The following TENT4A variants were observed in gnomAD, a reference collection of about 807,000 sequenced individuals.
TENT4A encodes terminal nucleotidyltransferase 4A.
TENT4A carries 7 observed loss-of-function variants against 72.8 expected under a neutral mutation model. The ratio of observed to expected loss-of-function variants is 0.10; its 90% CI spans 0.05 to 0.18. The LOEUF is 0.18. TENT4A is among the 10% of genes least tolerant of loss of function. TENT4A has a pLI of 1.00. For synonymous variants in TENT4A, 456 were observed against 434.3 expected (o/e 1.05, Z -0.62); for missense variants, 831 against 1,017.7 (o/e 0.82, Z 2.50).
intron 1 of TENT4A, among the ~76,000 whole-genome samples, chr5:6,723,450 T>C (rs1740759323): frequency 1.4e-5 from 2 of 139,248 alleles, no homozygotes; most frequent in South Asian, 4.7e-4. Flanking sequence ...GCTCCTTTAG[T>C]TCCCAGAGCT....
chr5:6,715,894 C>T (rs893463202), intron 1 of TENT4A, among the ~76,000 whole-genome samples: 1 of 152,206 alleles, frequency 6.6e-6, no homozygotes, highest in African/African-American at 2.4e-5. Context: ...GACTCCTCTT[C>T]TCTCCCTCCA....
intron 1 of TENT4A, among the ~76,000 whole-genome samples, chr5:6,723,273 C>T (rs1740748541): frequency 7.4e-6 from 1 of 134,510 alleles, no homozygotes; most frequent in African/African-American, 3.1e-5. Flanking sequence ...ACTGTTATGA[C>T]CTGGAGTGTC....
At chr5:6,737,364 GT>G in intron 1 of TENT4A, 145 bp from the exon 2 acceptor site, 1 of 704,652 alleles carries the variant, frequency 1.4e-6, no homozygotes. Flanking sequence ...TGAGCACAGA[GT>G]TTTCATTTTA....
intron 1 of TENT4A, among the ~76,000 whole-genome samples, chr5:6,718,616 A>G (rs1350667528): frequency 6.6e-6 from 1 of 152,234 alleles, no homozygotes; most frequent in African/African-American, 2.4e-5. Flanking sequence ...CTAAGCAGAT[A>G]CTTGCTCCTG....
intron 12 of TENT4A, 128 bp from the exon 13 acceptor site, chr5:6,754,623 C>G: frequency 1.8e-6 from 1 of 562,954 alleles, no homozygotes; most frequent in Non-Finnish European, 2.9e-6. Flanking sequence ...TGGGAAGTCC[C>G]AGAGGGCAGG....
chr5:6,739,643 G>A (rs1741695139), intron 3 of TENT4A, 89 bp from the exon 4 acceptor site: 35 of 1,505,418 alleles, frequency 2.3e-5, no homozygotes, highest in Non-Finnish European at 3.2e-5. Flanking sequence ...GGAGACACAG[G>A]CACATGTGCC....
rs1177641497 is a variant in TENT4A at position 6,727,130 on chromosome 5, ATCCTGGGCT to A, written c.717-10375_717-10367del. 2.0e-5 allele frequency among the ~76,000 whole-genome samples: 3 copies of A among 152,100 alleles called. No homozygotes were observed. In the East Asian group the frequency reaches 5.8e-4, roughly 29 times the overall value. ...ACTCGGTGTTTCTGTGGAGCAGGGC[ATCCTGGGCT>A]TCCTTTCTGATCCCTGGCTCCTGTG... On this transcript the variant is annotated intron_variant, in intron 1 of 12. Coordinates refer to ENST00000230859, the MANE Select transcript of TENT4A (RefSeq NM_006999.6).
intron 1 of TENT4A, among the ~76,000 whole-genome samples, chr5:6,729,977 C>T (rs1561031362): frequency 6.6e-6 from 1 of 152,064 alleles, no homozygotes; most frequent in Admixed American, 6.6e-5. Context: ...GGGCTTAGAA[C>T]CAATGCAGAT....
chr5:6,739,742 C>T lies in TENT4A; in HGVS notation c.898C>T (p.Leu300=), dbSNP rs758282805. 5.0e-5 allele frequency: 80 copies of T among 1,614,002 alleles called. No homozygotes were observed. Among genetic ancestry groups the T allele is most frequent in the Non-Finnish European group, 6.1e-5 (72 of 1,180,004 alleles). ...GTTTTCTTCTGTCAGCGACATAGACCTGGTGGTCTTCGGGAAATGGGAGCG... is the reference window on the plus strand; with the variant it reads ...GTTTTCTTCTGTCAGCGACATAGACTTGGTGGTCTTCGGGAAATGGGAGCG... The part of the protein sequence containing the change: ...GLYLPTSDID[L]VVFGKWERPP... The change falls in exon 4 of 13, where the codon CTG becomes TTG. Residue 300 remains leucine, a synonymous_variant. Transcript: ENST00000230859.
chr5:6,721,143 T>C (rs1009580080), intron 1 of TENT4A, among the ~76,000 whole-genome samples: 1 of 152,172 alleles, frequency 6.6e-6, no homozygotes, highest in South Asian at 2.1e-4. Flanking sequence ...AGGGGCTGTA[T>C]TGTAGCCCGC....
At chr5:6,720,429 C>G (rs978504104) in intron 1 of TENT4A, among the ~76,000 whole-genome samples, 1 of 152,162 alleles carries the variant, frequency 6.6e-6, no homozygotes, top group Non-Finnish European at 1.5e-5. Flanking sequence ...ATGACTCTTG[C>G]AGATTGCCAG....
At chr5:6,739,467 C>T (rs1741688222) in intron 3 of TENT4A, among the ~76,000 whole-genome samples, 1 of 152,258 alleles carries the variant, frequency 6.6e-6, no homozygotes. Flanking sequence ...AATCCCCTCA[C>T]ATACCTAGTG....
rs1418021398 is a variant in TENT4A, at chr5:6,750,328, C to T, written c.1688-3C>T. Reference sequence around the variant, plus strand: ...TATTAACCAAGGCTTTTTCCCTCCACAGACAGCAGGATCAAGATCAAAGAG... The same window carrying T: ...TATTAACCAAGGCTTTTTCCCTCCATAGACAGCAGGATCAAGATCAAAGAG... On this transcript the variant is annotated splice_region_variant and splice_polypyrimidine_tract_variant and intron_variant, in intron 9 of 12. Coordinates refer to ENST00000230859, the MANE Select transcript of TENT4A (RefSeq NM_006999.6). 3 of 1,606,332 alleles carry T rather than the reference C, an allele frequency of 1.9e-6. No individual in the cohort carries two copies. The highest frequency in any genetic ancestry group is 1.3e-5 in the African/African-American group (1 of 74,396).
intron 4 of TENT4A, among the ~76,000 whole-genome samples, chr5:6,741,672 G>A (rs1259120596): frequency 1.3e-5 from 2 of 152,222 alleles, no homozygotes; most frequent in Non-Finnish European, 2.9e-5. Context: ...GTCCTCACAC[G>A]CTGAGTCCTT....
chr5:6,714,210 C>T lies in TENT4A; in HGVS notation c.227C>T (p.Pro76Leu). 1.0e-6 allele frequency: 1 copy of T among 974,422 alleles called. No individual in the cohort carries two copies. Among genetic ancestry groups the T allele is most frequent in the Non-Finnish European group, 1.2e-6 (1 of 823,558 alleles). 60.4% of individuals were successfully genotyped at this position (974,422 alleles called of 1,614,324 possible). A position where few individuals can be genotyped will look rare whatever the true frequency, so the allele number is the denominator to read the frequency against. Reference protein sequence around the residue: ...PALPAASPPPPGPTAPAALPP... With the variant: ...PALPAASPPPLGPTAPAALPP... ...CTGCCCGCCGCGTCGCCCCCGCCGC[C>T]CGGCCCCACCGCGCCCGCCGCGCTG... The change falls in exon 1 of 13, where the codon CCC becomes CTC. Residue 76 changes from proline (P) to leucine (L), a missense_variant. This residue lies in a region of TENT4A where 302 missense variants were observed against 293.8 expected (regional missense o/e 1.03). Coordinates refer to ENST00000230859, the MANE Select transcript of TENT4A (RefSeq NM_006999.6).
In TENT4A at chr5:6,748,636, T is replaced by A. The variant is rs142643261; in HGVS notation, c.1586+46T>A. On this transcript the variant is annotated intron_variant, in intron 8 of 12. Transcript: ENST00000230859. ...GTCTGGGCTCAGCGTGCCTGTGGGA[T>A]GGTACTTATCCCTTTCCTGTGTCAT... 9.5e-6 allele frequency: 15 copies of A among 1,586,396 alleles called. No homozygotes were observed. The East Asian group carries it at 3.4e-4, about 36-fold the overall frequency.
chr5:6,755,877 A>G lies in TENT4A; in HGVS notation c.*932A>G, dbSNP rs919466965. On this transcript the variant is annotated 3_prime_UTR_variant, in exon 13 of 13. Transcript: ENST00000230859. ...TTTCTAAGGAGAGAAGGGTTGTCAC[A>G]TTATAAAATCTTTAGGAAAATGTGA... is the stretch of plus-strand genomic sequence containing the variant. 2 of 152,276 alleles carry G rather than the reference A, an allele frequency of 1.3e-5. No individual in the cohort carries two copies. The highest frequency in any genetic ancestry group is 2.9e-5 in the Non-Finnish European group (2 of 68,052). 9.4% of individuals were successfully genotyped at this position (152,276 alleles called of 1,614,324 possible).
At chr5:6,721,825 G>A (rs193062838) in intron 1 of TENT4A, among the ~76,000 whole-genome samples, 3 of 152,246 alleles carry the variant, frequency 2.0e-5, no homozygotes, top group Admixed American at 6.5e-5. Context: ...ATCAGCTGCC[G>A]TGCATAACCA....
At chr5:6,748,726 G>A (rs1742239608) in intron 8 of TENT4A, 136 bp downstream of exon 8, 1 of 894,890 alleles carries the variant, frequency 1.1e-6, no homozygotes, top group Non-Finnish European at 1.7e-6. Flanking sequence ...ATATGTTGGT[G>A]AAGGAAGGCC....
Sources: allele counts gnomAD v4.1 joint callset (sites outside exome capture counted in the v4.1 genomes callset), GRCh38; gene constraint gnomAD v4.1.1; regional missense constraint gnomAD v4.1.1; transcripts MANE v1.5; gene names NCBI Gene and HGNC (gene_info 2026-07-23, HGNC 2026-07-21).